Variants in ARHGAP21 observed in about 807,000 individuals in gnomAD.
ARHGAP21 encodes the protein Rho GTPase activating protein 21.
Under a neutral mutation model 164.6 loss-of-function variants are expected in ARHGAP21, and 38 were observed. The ratio of observed to expected loss-of-function variants is 0.23; its 90% confidence interval spans 0.18 to 0.30. ARHGAP21 has a LOEUF of 0.30. Among genes scored for constraint, ARHGAP21 ranks in the 10% least tolerant of loss-of-function variants. The probability of loss-of-function intolerance (pLI) is 1.00; values close to 1 mark genes in which losing one functional copy is unlikely to be tolerated. For synonymous variants in ARHGAP21, 766 were observed against 857.9 expected (o/e 0.89, Z 1.87); for missense variants, 1,822 against 2,370.7 (o/e 0.77, Z 4.81).
intron 2 of ARHGAP21, among the ~76,000 whole-genome samples, chr10:24,708,133 G>A (rs530005794): frequency 4.5e-4 from 68 of 152,286 alleles, no homozygotes; most frequent in African/African-American, 1.6e-3. Context: ...TAAATATAAA[G>A]ATCAAATTCA....
chr10:24,621,556 T>C (rs1834544885), intron 8 of ARHGAP21, among the ~76,000 whole-genome samples, 187 bp from the exon 9 acceptor site: 2 of 152,140 alleles, frequency 1.3e-5, no homozygotes, highest in South Asian at 4.1e-4. Context: ...AGAAATCAAA[T>C]AAACTGTAGA....
intron 16 of ARHGAP21, 124 bp downstream of exon 16, chr10:24,597,323 T>A: frequency 1.6e-6 from 2 of 1,275,094 alleles, no homozygotes; most frequent in Non-Finnish European, 2.1e-6. Context: ...CCAAGCCTAC[T>A]ATGAATTTTG....
At chr10:24,588,968 C>T (rs2076220176) in intron 25 of ARHGAP21, among the ~76,000 whole-genome samples, 2 of 152,066 alleles carry the variant, frequency 1.3e-5, no homozygotes, top group Admixed American at 6.6e-5. Flanking sequence ...TGCAGGGAGG[C>T]TTCTCATTTT....
At chr10:24,601,611 A>C (rs2130908218) in intron 13 of ARHGAP21, among the ~76,000 whole-genome samples, 1 of 152,320 alleles carries the variant, frequency 6.6e-6, no homozygotes, top group Middle Eastern at 3.4e-3. Flanking sequence ...TAAACTAAGA[A>C]AAGAGACATA....
intron 9 of ARHGAP21, among the ~76,000 whole-genome samples, chr10:24,610,469 A>T (rs1237950896): frequency 6.6e-6 from 1 of 152,118 alleles, no homozygotes; most frequent in Non-Finnish European, 1.5e-5. Context: ...AAGTTGCTAC[A>T]CATCAAAATT....
chr10:24,632,975 CTTG>C (rs1296995665), intron 6 of ARHGAP21, among the ~76,000 whole-genome samples: 3 of 152,108 alleles, frequency 2.0e-5, no homozygotes, highest in East Asian at 1.9e-4. Flanking sequence ...AAGGGAATGT[CTTG>C]TTGTCTTGGT....
In ARHGAP21 at chr10:24,609,203, T is replaced by C. The variant is rs570840676; in HGVS notation, c.2423-1300A>G. 2.3e-3 allele frequency among the ~76,000 whole-genome samples: 354 copies of C among 152,348 alleles called. No individual in the cohort carries two copies. In the Middle Eastern group the frequency reaches 0.027, roughly 12 times the overall value. On this transcript the variant is annotated intron_variant, in intron 9 of 25. Coordinates refer to ENST00000396432, the MANE Select transcript of ARHGAP21 (RefSeq NM_020824.4). ...GATAAATCTTTGAGGAGAATGATTT[T>C]ATGCCTTGCAAAACTAAAGAGAGTG...
chr10:24,613,880 A>AGGTTACAATT (rs112714583), intron 9 of ARHGAP21, among the ~76,000 whole-genome samples: 5,170 of 152,280 alleles, frequency 0.034, 271 homozygotes, highest in African/African-American at 0.11. Flanking sequence ...CACGGTTAAC[A>AGGTTACAATT]GGTTACAATT....
intron 4 of ARHGAP21, among the ~76,000 whole-genome samples, chr10:24,642,025 G>T (rs1837088010): frequency 6.6e-6 from 1 of 151,438 alleles, no homozygotes. Flanking sequence ...TTTTACCGTG[G>T]AAATGTCCAG....
chr10:24,689,611 C>T (rs759524007), intron 2 of ARHGAP21, among the ~76,000 whole-genome samples: 2 of 151,904 alleles, frequency 1.3e-5, no homozygotes, highest in Non-Finnish European at 2.9e-5. Flanking sequence ...CATGGTGGCA[C>T]GTGCCTGTAG....
Position 24,652,715 on chromosome 10 carries a change from C to T in ARHGAP21, c.268+14270G>A, listed in dbSNP as rs1228759996. 2.0e-5 allele frequency among the ~76,000 whole-genome samples: 3 copies of T among 152,200 alleles called. No individual in the cohort carries two copies. In the South Asian group the frequency reaches 6.2e-4, roughly 32 times the overall value. ...AAATCCAAATTAAAGCCATAGTCCA[C>T]ACCACTGTACATCCACTAGGATGAT... On this transcript the variant is annotated intron_variant, in intron 4 of 25. Coordinates refer to ENST00000396432, the MANE Select transcript of ARHGAP21 (RefSeq NM_020824.4).
At chr10:24,590,711 C>T in intron 24 of ARHGAP21, 1 of 985,310 alleles carries the variant, frequency 1.0e-6, no homozygotes, top group Non-Finnish European at 1.2e-6. Context: ...AATAGGCTGG[C>T]TTTTTACTGT....
chr10:24,722,478 A>AG, intron 1 of ARHGAP21, 199 bp from the exon 2 acceptor site: 2 of 156,226 alleles, frequency 1.3e-5, no homozygotes, highest in Admixed American at 6.2e-5. Flanking sequence ...CGGTTGCGTC[A>AG]AACACACCTG....
At chr10:24,589,587 T>C (rs987960516) in intron 24 of ARHGAP21, 42 of 343,680 alleles carry the variant, frequency 1.2e-4, no homozygotes, top group Non-Finnish European at 1.2e-4. Context: ...TTATTAGACT[T>C]TCTAAATATT....
chr10:24,670,410 G>T lies in ARHGAP21; in HGVS notation c.64-13C>A. 6.4e-7 allele frequency: 1 copy of T among 1,563,608 alleles called. No individual in the cohort carries two copies. The highest frequency in any genetic ancestry group is 1.2e-5 in the South Asian group (1 of 82,014). Reference sequence around the variant, plus strand: ...TATTTTTTGAGACCTAAAGTGAAAAGATATTTAAAAGTTAACTACATAACA... The same window carrying T: ...TATTTTTTGAGACCTAAAGTGAAAATATATTTAAAAGTTAACTACATAACA... On this transcript the variant is annotated splice_polypyrimidine_tract_variant and intron_variant, in intron 2 of 25. Transcript: ENST00000396432.
intron 9 of ARHGAP21, among the ~76,000 whole-genome samples, chr10:24,609,554 G>C (rs1212098901): frequency 6.6e-6 from 1 of 152,078 alleles, no homozygotes; most frequent in Non-Finnish European, 1.5e-5. Context: ...AAGGAGAAAA[G>C]GAAAAGCTAA....
chr10:24,656,208 G>A (rs1315471916), intron 4 of ARHGAP21, among the ~76,000 whole-genome samples: 3 of 138,640 alleles, frequency 2.2e-5, no homozygotes, highest in African/African-American at 8.6e-5. Flanking sequence ...ATCCGGGAGG[G>A]AGGTGGGGGG....
chr10:24,593,322 C>T (rs1173332640), intron 21 of ARHGAP21, among the ~76,000 whole-genome samples: 2 of 152,100 alleles, frequency 1.3e-5, no homozygotes. Flanking sequence ...TTCTGGTCTC[C>T]CTCTAGAATA....
At chr10:24,603,540 G>A (rs1317705124) in intron 12 of ARHGAP21, among the ~76,000 whole-genome samples, 2 of 152,188 alleles carry the variant, frequency 1.3e-5, no homozygotes, top group African/African-American at 2.4e-5. Flanking sequence ...AGACAACAGT[G>A]AGTGAATGAG....
Sources: gnomAD v4.1 joint callset for allele counts (sites outside exome capture counted in the v4.1 genomes callset) on GRCh38, gnomAD v4.1.1 for gene constraint, MANE v1.5 for transcripts, NCBI Gene and HGNC (gene_info 2026-07-23, HGNC 2026-07-21) for gene names.